SCML2: variants seen among roughly 807,000 people sequenced by gnomAD.
SCML2 encodes the protein sex comb on midleg-like protein 2.
Under a neutral mutation model 48.4 loss-of-function variants are expected in SCML2, and 6 were observed. That is an observed-to-expected ratio of 0.12 (90% CI 0.07 to 0.24). SCML2 has a LOEUF of 0.24. SCML2 is among the 10% of genes least tolerant of loss of function. The probability of loss-of-function intolerance (pLI) is 1.00; values close to 1 mark genes in which losing one functional copy is unlikely to be tolerated. For synonymous variants in SCML2, 181 were observed against 189.5 expected, an observed-to-expected ratio of 0.95 and a Z score of 0.37; for missense variants, 377 against 528.2, an observed-to-expected ratio of 0.71 and a Z score of 2.81.
chrX:18,354,031 A>G (rs1930457946), intron 1 of SCML2, among the ~76,000 whole-genome samples: 1 of 111,827 alleles, frequency 8.9e-6, no homozygotes, highest in South Asian at 3.7e-4. Flanking sequence ...CTGCACCGCT[A>G]GGGTGAGCCA....
chrX:18,344,550 T>C lies in SCML2; in HGVS notation c.-25+10042A>G, dbSNP rs985386438. 1.3e-4 allele frequency among the ~76,000 whole-genome samples: 15 copies of C among 111,393 alleles called. No homozygotes were observed. The South Asian group carries it at 3.0e-3, about 23-fold the overall frequency. On this transcript the variant is annotated intron_variant, in intron 1 of 14. Coordinates refer to ENST00000251900, the MANE Select transcript of SCML2 (RefSeq NM_006089.3). ...GTTGTGGGAGGGAACCGGTGGGAGATAAATGAATCATGAGGGTGGTTTCTC... is the reference window on the plus strand; with the variant it reads ...GTTGTGGGAGGGAACCGGTGGGAGACAAATGAATCATGAGGGTGGTTTCTC...
Position 18,309,194 on chromosome X carries a change from C to CT in SCML2, c.487-3980dup, listed in dbSNP as rs1195005964. 3.7e-5 allele frequency among the ~76,000 whole-genome samples: 3 copies of CT among 80,751 alleles called. No homozygotes were observed. In the Admixed American group the frequency reaches 4.2e-4, roughly 11 times the overall value. 70.1% of individuals were successfully genotyped at this position (80,751 alleles called of 115,157 possible). A position where few individuals can be genotyped will look rare whatever the true frequency, so the allele number is the denominator to read the frequency against. On this transcript the variant is annotated intron_variant, in intron 6 of 14. Transcript: ENST00000251900. Reference sequence around the variant, plus strand: ...TCAGCCTTGGAGACAGAATGAGACTCTGTCTCAAAAAAAAAAAAAAAAAAC... The same window carrying CT: ...TCAGCCTTGGAGACAGAATGAGACTCTTGTCTCAAAAAAAAAAAAAAAAAAC...
At chrX:18,319,999 A>C (rs773512840) in intron 6 of SCML2, among the ~76,000 whole-genome samples, 28 of 112,155 alleles carry the variant, frequency 2.5e-4, no homozygotes, top group Non-Finnish European at 4.5e-4. Flanking sequence ...CCCCACAAAA[A>C]AGATTCCCAA....
At chrX:18,285,088 G>T (rs1373221645) in intron 7 of SCML2, among the ~76,000 whole-genome samples, 1 of 110,531 alleles carries the variant, frequency 9.0e-6, no homozygotes, top group Non-Finnish European at 1.9e-5. Context: ...GAGAAAAGGG[G>T]ACACTTATAC....
intron 13 of SCML2, among the ~76,000 whole-genome samples, chrX:18,243,486 A>G (rs1414056113): frequency 4.5e-5 from 5 of 112,211 alleles, no homozygotes; most frequent in East Asian, 2.8e-4. Context: ...GATGTATCCA[A>G]TAAGAATATT....
chrX:18,332,724 C>G (rs1334194386), intron 2 of SCML2, among the ~76,000 whole-genome samples: 1 of 111,449 alleles, frequency 9.0e-6, no homozygotes, highest in Non-Finnish European at 1.9e-5. Flanking sequence ...CCTGTAATCC[C>G]ACCACTTTGG....
chrX:18,344,351 A>C (rs182123022), intron 1 of SCML2, among the ~76,000 whole-genome samples: 3 of 111,922 alleles, frequency 2.7e-5, no homozygotes. Context: ...TTGATTCCTC[A>C]AGATCAGGAA....
chrX:18,327,563 A>C (rs1191076123), intron 3 of SCML2, among the ~76,000 whole-genome samples: 1 of 111,898 alleles, frequency 8.9e-6, no homozygotes, highest in South Asian at 3.7e-4. Context: ...GAAAATACTT[A>C]ATTCATCTCC....
chrX:18,325,001 T>TA (rs1291381615), intron 3 of SCML2, 24 bp from the exon 4 acceptor site: 12 of 1,096,489 alleles, frequency 1.1e-5, no homozygotes, highest in African/African-American at 1.8e-5. Flanking sequence ...ATGTGCAAAA[T>TA]AGTTTCTTAA....
At chrX:18,302,763 T>C (rs1928635494) in intron 7 of SCML2, among the ~76,000 whole-genome samples, 1 of 111,774 alleles carries the variant, frequency 8.9e-6, no homozygotes, top group Non-Finnish European at 1.9e-5. Context: ...ACATGATGAC[T>C]CTCAAACCTG....
intron 7 of SCML2, among the ~76,000 whole-genome samples, chrX:18,299,310 G>C (rs1394942458): frequency 9.1e-6 from 1 of 110,260 alleles, no homozygotes; most frequent in Non-Finnish European, 1.9e-5. Flanking sequence ...TCAGGAGATC[G>C]AGACCATACT....
At chrX:18,303,096 T>C (rs1187388596) in intron 7 of SCML2, among the ~76,000 whole-genome samples, 3 of 110,788 alleles carry the variant, frequency 2.7e-5, no homozygotes, top group Non-Finnish European at 5.7e-5. Context: ...GGAGCTCCAG[T>C]CAAAACCACA....
intron 3 of SCML2, among the ~76,000 whole-genome samples, chrX:18,327,438 T>C (rs896658746): frequency 1.8e-5 from 2 of 111,827 alleles, no homozygotes; most frequent in African/African-American, 6.5e-5. Flanking sequence ...ATTAAGAAGT[T>C]GACACCCTGG....
intron 8 of SCML2, among the ~76,000 whole-genome samples, chrX:18,261,149 ATC>A (rs1927048775): frequency 9.2e-6 from 1 of 108,541 alleles, no homozygotes; most frequent in Non-Finnish European, 1.9e-5. Flanking sequence ...AGTGTTCTTT[ATC>A]AATGTTAAAG....
chrX:18,338,500 T>C (rs778692177), intron 1 of SCML2, among the ~76,000 whole-genome samples: 42 of 107,730 alleles, frequency 3.9e-4, no homozygotes, highest in Non-Finnish European at 7.7e-4. Flanking sequence ...ATGATCTCAT[T>C]TACATGTGCA....
intron 7 of SCML2, among the ~76,000 whole-genome samples, chrX:18,266,986 C>A (rs895500001): frequency 4.5e-5 from 5 of 112,195 alleles, no homozygotes; most frequent in African/African-American, 1.6e-4. Flanking sequence ...AGGCTCACTT[C>A]CACTTTTTTG....
rs181719368 is a variant in SCML2, at chrX:18,270,882, T to C, written c.731-5080A>G. ...AATAAAAATCTTTTTGAAAAAGTTA[T>C]GTGAAATATAAAGAAGGATATGCTA... On this transcript the variant is annotated intron_variant, in intron 7 of 14. Transcript: ENST00000251900. 2.9e-4 allele frequency among the ~76,000 whole-genome samples: 33 copies of C among 111,950 alleles called. No homozygotes were observed. The East Asian group carries it at 9.0e-3, about 30-fold the overall frequency.
chrX:18,342,155 A>T (rs899619642), intron 1 of SCML2, among the ~76,000 whole-genome samples: 1 of 112,147 alleles, frequency 8.9e-6, no homozygotes, highest in Non-Finnish European at 1.9e-5. Context: ...CTTCAGCATT[A>T]TAAGAAAGGC....
chrX:18,276,673 T>C (rs1927652814), intron 7 of SCML2, among the ~76,000 whole-genome samples: 1 of 112,458 alleles, frequency 8.9e-6, no homozygotes, highest in Admixed American at 9.4e-5. Context: ...AGTACTGATA[T>C]ATGCTACAAC....
Sources: allele counts gnomAD v4.1 joint callset (sites outside exome capture counted in the v4.1 genomes callset), GRCh38; gene constraint gnomAD v4.1.1; transcripts MANE v1.5; gene names NCBI Gene and HGNC (gene_info 2026-07-23, HGNC 2026-07-21).